STK33: variants seen among roughly 807,000 people sequenced by gnomAD.
STK33 encodes the protein serine/threonine kinase 33.
A neutral mutation model predicts 58.0 loss-of-function variants in STK33; 52 were observed. The ratio of observed to expected loss-of-function variants is 0.90; its 90% CI spans 0.72 to 1.13. STK33 has a LOEUF of 1.13. Among genes scored for constraint, STK33 ranks in the 50% most tolerant of loss-of-function variants. The probability of loss-of-function intolerance (pLI) is 0.00; values close to 1 mark genes in which losing one functional copy is unlikely to be tolerated. For synonymous variants in STK33, 215 were observed against 200.1 expected, an observed-to-expected ratio of 1.07 and a Z score of -0.63; for missense variants, 630 against 604.2, an observed-to-expected ratio of 1.04 and a Z score of -0.45.
intron 15 of STK33, among the ~76,000 whole-genome samples, chr11:8,393,125 T>C (rs1478942791): frequency 6.6e-6 from 1 of 152,188 alleles, no homozygotes; most frequent in African/African-American, 2.4e-5. Context: ...AAGTGCTACA[T>C]AAGGCCCACA....
intron 1 of STK33, among the ~76,000 whole-genome samples, chr11:8,541,041 A>C (rs1955479063): frequency 6.6e-6 from 1 of 151,646 alleles, no homozygotes; most frequent in South Asian, 2.1e-4. Context: ...TAAACCTCAA[A>C]TATACATAAC....
At chr11:8,407,528 A>C (rs1213775930) in intron 15 of STK33, among the ~76,000 whole-genome samples, 1 of 152,150 alleles carries the variant, frequency 6.6e-6, no homozygotes, top group African/African-American at 2.4e-5. Context: ...ATACAGAACG[A>C]TTCAGATTTT....
intron 1 of STK33, among the ~76,000 whole-genome samples, chr11:8,504,061 T>C (rs1475082208): frequency 2.6e-5 from 4 of 152,170 alleles, no homozygotes; most frequent in Admixed American, 2.0e-4. Flanking sequence ...AAATAGTCAT[T>C]TGTTTGCTCT....
chr11:8,462,802 C>T (rs1249182012), intron 7 of STK33, among the ~76,000 whole-genome samples: 1 of 152,116 alleles, frequency 6.6e-6, no homozygotes, highest in Non-Finnish European at 1.5e-5. Flanking sequence ...TCTAGAAGGG[C>T]TTTCTCCACC....
At chr11:8,564,094 A>G (rs143802585) in intron 1 of STK33, among the ~76,000 whole-genome samples, 31 of 152,334 alleles carry the variant, frequency 2.0e-4, no homozygotes, top group African/African-American at 7.0e-4. Context: ...TCAGATTTTT[A>G]TTTGTAAAAT....
At chr11:8,592,716 G>A (rs532108397) in intron 1 of STK33, among the ~76,000 whole-genome samples, 1 of 152,196 alleles carries the variant, frequency 6.6e-6, no homozygotes, top group South Asian at 2.1e-4. Flanking sequence ...TCTTGGTCTG[G>A]ATGGTCATGT....
rs1043973432 is a variant in STK33, at chr11:8,437,099, G to A, written c.948-960C>T. ...TATATGAAATCAAAAGGGTCTGAAT[G>A]TGGAAAAATCAGACAATAATTTGAC... On this transcript the variant is annotated intron_variant, in intron 12 of 15. Transcript: ENST00000687296. Among the ~76,000 whole-genome samples the A allele has an allele frequency of 2.0e-5, 3 of 152,220 alleles. No individual in the cohort carries two copies. In the East Asian group the frequency reaches 5.8e-4, roughly 29 times the overall value.
intron 15 of STK33, among the ~76,000 whole-genome samples, chr11:8,409,200 G>A (rs1327242490): frequency 6.6e-6 from 1 of 152,178 alleles, no homozygotes; most frequent in Non-Finnish European, 1.5e-5. Context: ...GTAACAGCAA[G>A]TATTTATTTT....
chr11:8,512,849 A>G (rs1003003047), intron 1 of STK33, among the ~76,000 whole-genome samples: 3 of 152,158 alleles, frequency 2.0e-5, no homozygotes, highest in African/African-American at 7.2e-5. Flanking sequence ...ACAATTACCT[A>G]GTTCCCTGCT....
intron 4 of STK33, 135 bp from the exon 5 acceptor site, chr11:8,475,201 T>A: frequency 3.9e-6 from 1 of 258,576 alleles, no homozygotes; most frequent in East Asian, 7.2e-5. Flanking sequence ...ACCACAAAAC[T>A]GGTGAAAAGC....
At chr11:8,439,663 T>C (rs1944472327) in intron 12 of STK33, among the ~76,000 whole-genome samples, 1 of 150,932 alleles carries the variant, frequency 6.6e-6, no homozygotes, top group Non-Finnish European at 1.5e-5. Flanking sequence ...TGTGTCCGAG[T>C]ATTGAAATGT....
chr11:8,497,867 TACTA>T (rs1951182748), intron 1 of STK33, among the ~76,000 whole-genome samples: 1 of 152,174 alleles, frequency 6.6e-6, no homozygotes, highest in Non-Finnish European at 1.5e-5. Context: ...CTGAGGTCAG[TACTA>T]CAGTGATACC....
At chr11:8,467,819 C>T (rs1948366794) in intron 6 of STK33, among the ~76,000 whole-genome samples, 2 of 152,134 alleles carry the variant, frequency 1.3e-5, no homozygotes, top group African/African-American at 4.8e-5. Context: ...GTGGCCTGTG[C>T]CTATAATCCC....
At chr11:8,413,808 T>C (rs1940695107) in intron 14 of STK33, 116 bp from the exon 15 acceptor site, 1 of 907,550 alleles carries the variant, frequency 1.1e-6, no homozygotes, top group Non-Finnish European at 1.7e-6. Context: ...GAAAAGATTA[T>C]AATGCTGAAT....
At chr11:8,489,257 C>CAAAAAAAAAAAAAAAAAAAAAAA (rs377017514) in intron 1 of STK33, among the ~76,000 whole-genome samples, 1 of 64,346 alleles carries the variant, frequency 1.6e-5, no homozygotes, top group Non-Finnish European at 2.9e-5. Flanking sequence ...AAGCTATCTC[C>CAAAAAAAAAAAAAAAAAAAAAAA]AAAAAAAAAA....
chr11:8,488,788 T>C (rs1950365687), intron 1 of STK33, among the ~76,000 whole-genome samples: 1 of 151,960 alleles, frequency 6.6e-6, no homozygotes, highest in Admixed American at 6.6e-5. Context: ...TGTCCAATTT[T>C]CAACAAAAAA....
rs191459790 is a variant in STK33, at chr11:8,584,283, A to G, written c.-466+9800T>C. On this transcript the variant is annotated intron_variant, in intron 1 of 15. Coordinates refer to ENST00000687296, the MANE Select transcript of STK33 (RefSeq NM_001352389.2). ...TCTTCTTTCAAGGCCGGGTCCTTCA[A>G]TGATTCATAATGTAGGGAGGATTCC... 4.4e-3 allele frequency among the ~76,000 whole-genome samples: 669 copies of G among 152,258 alleles called. 7 individuals are homozygous for G. The highest frequency in any genetic ancestry group is 0.015 in the African/African-American group (637 of 41,542).
At chr11:8,545,006 C>A (rs1955806913) in intron 1 of STK33, among the ~76,000 whole-genome samples, 1 of 152,108 alleles carries the variant, frequency 6.6e-6, no homozygotes, top group Non-Finnish European at 1.5e-5. Context: ...GAAGAGCAAT[C>A]CAAAAGCTTT....
At chr11:8,445,407 C>T (rs1473992044) in intron 11 of STK33, among the ~76,000 whole-genome samples, 3 of 152,194 alleles carry the variant, frequency 2.0e-5, no homozygotes, top group African/African-American at 7.2e-5. Context: ...CCAGAACTTC[C>T]AATACTATGT....
Sources: gnomAD v4.1 joint callset for allele counts (sites outside exome capture counted in the v4.1 genomes callset) on GRCh38, gnomAD v4.1.1 for gene constraint, MANE v1.5 for transcripts, NCBI Gene and HGNC (gene_info 2026-07-23, HGNC 2026-07-21) for gene names.